The following MAGED1 variants were observed in gnomAD, a reference collection of about 807,000 sequenced individuals.
MAGED1 encodes the protein MAGE family member D1.
A neutral mutation model predicts 54.1 loss-of-function variants in MAGED1; 3 were observed. The observed-to-expected ratio is 0.06, with a 90% CI of 0.03 to 0.14. The LOEUF (loss-of-function observed/expected upper bound fraction) is 0.14. MAGED1 is among the 10% of genes least tolerant of loss of function. MAGED1 has a pLI of 1.00. For missense variants in MAGED1, 485 were observed against 623.4 expected, an observed-to-expected ratio of 0.78 and a Z score of 2.36; for synonymous variants, 217 against 227.3, an observed-to-expected ratio of 0.95 and a Z score of 0.41.
At chrX:51,808,961 C>T (rs1322705246) in intron 1 of MAGED1, among the ~76,000 whole-genome samples, 2 of 111,524 alleles carry the variant, frequency 1.8e-5, no homozygotes, top group Admixed American at 1.9e-4. Context: ...TTTTTTGAGA[C>T]GGAGTCTTGC....
chrX:51,831,562 G>C (rs1315140146), intron 1 of MAGED1, among the ~76,000 whole-genome samples: 3 of 111,996 alleles, frequency 2.7e-5, no homozygotes, highest in Non-Finnish European at 5.6e-5. Flanking sequence ...GCAGTGAGCT[G>C]TGATCTCACC....
Position 51,846,434 on chromosome X carries a change from A to G in MAGED1, c.-37+43317A>G, listed in dbSNP as rs372029443. Among the ~76,000 whole-genome samples, 34 of 111,664 alleles carry G rather than the reference A, an allele frequency of 3.0e-4. No individual in the cohort carries two copies. The South Asian group carries it at 0.012, about 40-fold the overall frequency. On this transcript the variant is annotated intron_variant, in intron 1 of 12. Coordinates refer to the MAGED1 transcript ENST00000375772. ...GTAGACTGTGGAAGCTAGAAACTGC[A>G]GGGAACTGGATTTTCCCCAAAAGCC...
At chrX:51,871,409 C>G (rs1460094429) in intron 1 of MAGED1, among the ~76,000 whole-genome samples, 1 of 110,080 alleles carries the variant, frequency 9.1e-6, no homozygotes, top group Admixed American at 9.6e-5. Flanking sequence ...TCTCCTAATG[C>G]TATCCCTCCC....
chrX:51,874,958 T>A (rs1232786000), intron 1 of MAGED1, among the ~76,000 whole-genome samples: 5 of 111,223 alleles, frequency 4.5e-5, no homozygotes, highest in Non-Finnish European at 9.4e-5. Flanking sequence ...GAAATGCACT[T>A]CTTTGGAAAC....
At chrX:51,855,797 A>T (rs1054276718) in intron 1 of MAGED1, among the ~76,000 whole-genome samples, 30 of 111,304 alleles carry the variant, frequency 2.7e-4, no homozygotes, top group Non-Finnish European at 2.8e-4. Context: ...AAGTGCTAGG[A>T]TTACAGGCAT....
intron 1 of MAGED1, among the ~76,000 whole-genome samples, chrX:51,860,938 C>T (rs1927260812): frequency 9.0e-6 from 1 of 110,916 alleles, no homozygotes; most frequent in Admixed American, 9.6e-5. Flanking sequence ...TCTTCCAGGT[C>T]TCTGACTCAT....
In MAGED1 at chrX:51,895,409, T is replaced by C; in HGVS notation, c.402T>C (p.Thr134=). Residue 134 remains threonine, a synonymous_variant, in exon 3 of 13, where the codon ACT becomes ACC. Transcript: ENST00000326587. The stretch of plus-strand genomic sequence containing the variant: ...ATGATTTTTCCCAGGCAGCAACCAC[T>C]GGTGAGTTAGCTGCTAACAAGTCTG... ...AAYDFSQAAT[T]GELAANKSEM... 8.3e-7 allele frequency: 1 copy of C among 1,206,596 alleles called. No individual in the cohort carries two copies. Among genetic ancestry groups the C allele is most frequent in the Non-Finnish European group, 1.1e-6 (1 of 892,685 alleles).
intron 1 of MAGED1, among the ~76,000 whole-genome samples, chrX:51,871,608 T>C (rs1413524611): frequency 1.8e-4 from 20 of 109,629 alleles, no homozygotes; most frequent in Non-Finnish European, 3.4e-4. Flanking sequence ...GAACTCATCA[T>C]TTTTTATGGC....
At chrX:51,808,824 A>G (rs1925117429) in intron 1 of MAGED1, among the ~76,000 whole-genome samples, 1 of 112,749 alleles carries the variant, frequency 8.9e-6, no homozygotes, top group South Asian at 3.6e-4. Flanking sequence ...ATTTTTTTCC[A>G]CATCCCAGAT....
intron 1 of MAGED1, among the ~76,000 whole-genome samples, chrX:51,880,562 G>A (rs1928018709): frequency 8.9e-6 from 1 of 111,734 alleles, no homozygotes; most frequent in Non-Finnish European, 1.9e-5. Flanking sequence ...CATACCTGCA[G>A]AATAATCATT....
rs183009958 is a variant in MAGED1 at position 51,822,789 on chromosome X, T to C, written c.-37+19672T>C. Among the ~76,000 whole-genome samples, 23 of 111,516 alleles carry C rather than the reference T, an allele frequency of 2.1e-4. No individual in the cohort carries two copies. In the East Asian group the frequency reaches 6.1e-3, roughly 30 times the overall value. Reference sequence around the variant, plus strand: ...ATAAGGGATATTGTAATATAGTTATTACAACTATAAATTTTCATCAATAAA... The same window carrying C: ...ATAAGGGATATTGTAATATAGTTATCACAACTATAAATTTTCATCAATAAA... On this transcript the variant is annotated intron_variant, in intron 1 of 12. Coordinates refer to the MAGED1 transcript ENST00000375772.
chrX:51,894,368 A>T lies in MAGED1; in HGVS notation c.45+19A>T. ...CTTCCAGGTGAGATCTCCACTCCCC[A>T]CCCCACCATTTCCCCAGCCGACAGT... is the stretch of plus-strand genomic sequence containing the variant. On this transcript the variant is annotated intron_variant, in intron 2 of 12. Transcript: ENST00000326587. The T allele has an allele frequency of 8.5e-7, 1 of 1,181,174 alleles. No individual in the cohort carries two copies. Among genetic ancestry groups the T allele is most frequent in the Non-Finnish European group, 1.1e-6 (1 of 877,349 alleles).
chrX:51,896,724 C>A lies in MAGED1; in HGVS notation c.1069C>A (p.Pro357Thr). 8.2e-7 allele frequency: 1 copy of A among 1,212,287 alleles called. No homozygotes were observed. The highest frequency in any genetic ancestry group is 1.1e-6 in the Non-Finnish European group (1 of 895,616). ...PVIWQNPVIW[P>T]NPIVWPGPVV... ...AATCTGGCAGAACCCAGTGATCTGGCCAAACCCCATTGTCTGGCCCGGCCC... is the reference window on the plus strand; with the variant it reads ...AATCTGGCAGAACCCAGTGATCTGGACAAACCCCATTGTCTGGCCCGGCCC... The change falls in exon 4 of 13, where the codon CCA becomes ACA. Residue 357 changes from proline to threonine, a missense_variant. By Grantham distance (38) the Pro-to-Thr change is conservative (BLOSUM62 -1). Transcript: ENST00000326587.
chrX:51,887,092 A>ACT (rs1928267282), intron 1 of MAGED1, among the ~76,000 whole-genome samples: 1 of 675 alleles, frequency 1.5e-3, no homozygotes, highest in African/African-American at 3.8e-3. Flanking sequence ...ACAATGACTC[A>ACT]AAAAAAAAAA....
intron 1 of MAGED1, among the ~76,000 whole-genome samples, chrX:51,837,973 C>A (rs1476520286): frequency 8.9e-6 from 1 of 112,653 alleles, no homozygotes; most frequent in Non-Finnish European, 1.9e-5. Context: ...CAAGTAACCA[C>A]TATCAACAAA....
chrX:51,881,915 C>T (rs1557362523), intron 1 of MAGED1, among the ~76,000 whole-genome samples: 1 of 110,524 alleles, frequency 9.0e-6, no homozygotes, highest in African/African-American at 3.3e-5. Context: ...TTTCTCATTT[C>T]TCCCACTCTT....
chrX:51,860,751 A>G (rs1278193871), intron 1 of MAGED1, among the ~76,000 whole-genome samples: 1 of 106,069 alleles, frequency 9.4e-6, no homozygotes, highest in Non-Finnish European at 1.9e-5. Flanking sequence ...GTGGAGTGAG[A>G]AAAAAAAAAG....
chrX:51,872,978 G>A (rs1334172710), intron 1 of MAGED1, among the ~76,000 whole-genome samples: 2 of 111,044 alleles, frequency 1.8e-5, no homozygotes, highest in South Asian at 7.6e-4. Context: ...GGGTGGCCCT[G>A]CTCTGTCTAT....
At chrX:51,854,552 T>C (rs1927014878) in intron 1 of MAGED1, among the ~76,000 whole-genome samples, 1 of 111,584 alleles carries the variant, frequency 9.0e-6, no homozygotes. Context: ...CAGCTGAATA[T>C]CAGTTCACCT....
Sources: gnomAD v4.1 joint callset for allele counts (sites outside exome capture counted in the v4.1 genomes callset) on GRCh38, gnomAD v4.1.1 for gene constraint, MANE v1.5 for transcripts, NCBI Gene and HGNC (gene_info 2026-07-23, HGNC 2026-07-21) for gene names.